The following SMIM22 variants were observed in gnomAD, a reference collection of about 807,000 sequenced individuals.
The protein encoded by SMIM22 is cancer associated small integral membrane open reading frame 1.
A neutral mutation model predicts 8.4 loss-of-function variants in SMIM22; 16 were observed. The ratio of observed to expected loss-of-function variants is 1.90; its 90% confidence interval spans 1.29 to 2.89. SMIM22 has a LOEUF of 2.89. Ranked by LOEUF, SMIM22 falls within the 30% of genes most tolerant of loss-of-function variation. The pLI is 0.00. For synonymous variants in SMIM22, 67 were observed against 47.6 expected, an observed-to-expected ratio of 1.41 and a Z score of -1.68; for missense variants, 159 against 107.5, an observed-to-expected ratio of 1.48 and a Z score of -2.12.
rs112214923 is a variant in SMIM22 at position 4,789,412 on chromosome 16, G to A, written c.-146+641G>A. Among the ~76,000 whole-genome samples, 291 of 151,022 alleles carry A rather than the reference G, an allele frequency of 1.9e-3. 1 individual carries two copies. The highest frequency in any genetic ancestry group is 2.8e-3 in the Non-Finnish European group (192 of 67,902). The stretch of plus-strand genomic sequence containing the variant: ...ATGATCTCGGCTCACTGTAAGCTCT[G>A]CCTCCCGGGTTCACGCCGCTCTCCT... On this transcript the variant is annotated intron_variant, in intron 2 of 5. Coordinates refer to the SMIM22 transcript ENST00000589327.
intron 2 of SMIM22, chr16:4,789,960 G>C (rs1350513434): frequency 6.8e-6 from 1 of 147,604 alleles, no homozygotes; most frequent in Non-Finnish European, 1.5e-5. Context: ...TGTCACCCAA[G>C]TTGGAGTGCA....
chr16:4,790,397 C>G (rs539945996), upstream of SMIM22, among the ~76,000 whole-genome samples: 1 of 152,216 alleles, frequency 6.6e-6, no homozygotes, highest in Non-Finnish European at 1.5e-5. Flanking sequence ...TTCCTGAGCC[C>G]CAGGCCGACT....
chr16:4,790,358 A>T (rs371371976), intron 2 of SMIM22, among the ~76,000 whole-genome samples: 2 of 152,232 alleles, frequency 1.3e-5, no homozygotes, highest in East Asian at 3.8e-4. Flanking sequence ...AACCGTATTC[A>T]CAGAAGAAAG....
upstream of SMIM22, among the ~76,000 whole-genome samples, chr16:4,793,097 G>A (rs146178021): frequency 1.5e-3 from 161 of 109,174 alleles, 1 homozygote; most frequent in African/African-American, 5.9e-3. Context: ...CAAAAAGAGC[G>A]AAACTCTGTC....
chr16:4,792,346 A>G (rs1163254380), upstream of SMIM22, among the ~76,000 whole-genome samples: 5 of 151,258 alleles, frequency 3.3e-5, no homozygotes, highest in Non-Finnish European at 7.4e-5. Flanking sequence ...GCCCGCCACC[A>G]CGCCCGGCTA....
upstream of SMIM22, among the ~76,000 whole-genome samples, chr16:4,793,196 G>C (rs1466877215): frequency 6.6e-6 from 1 of 151,946 alleles, no homozygotes; most frequent in African/African-American, 2.4e-5. Context: ...GGAGGGATGG[G>C]AGACCACAAG....
At position 4,796,241 on chromosome 16, in the gene SMIM22, T is replaced by C. The variant is rs1237813996; in HGVS notation, c.*10T>C. On this transcript the variant is annotated 3_prime_UTR_variant, in exon 4 of 4. Coordinates refer to ENST00000586005, the MANE Select transcript of SMIM22 (RefSeq NM_001253794.2). ...GGCCCTGGAACCCTGACCCTGTGTC[T>C]CCTGCCCGGTGGCAGTAACAAAGCC... The C allele has an allele frequency of 6.5e-7, 1 of 1,535,490 alleles. No homozygotes were observed. The highest frequency in any genetic ancestry group is 8.7e-7 in the Non-Finnish European group (1 of 1,146,726).
At chr16:4,789,045 G>A (rs972300901) in intron 2 of SMIM22, among the ~76,000 whole-genome samples, 2 of 152,182 alleles carry the variant, frequency 1.3e-5, no homozygotes, top group African/African-American at 4.8e-5. Flanking sequence ...TTTTGAGACA[G>A]CCTCGCTCTG....
chr16:4,789,402 T>C (rs2141887322), intron 2 of SMIM22, among the ~76,000 whole-genome samples: 1 of 152,002 alleles, frequency 6.6e-6, no homozygotes, highest in African/African-American at 2.4e-5. Flanking sequence ...CTCGGCTCAC[T>C]GTAAGCTCTG....
chr16:4,794,301 G>A (rs1369867526), upstream of SMIM22, among the ~76,000 whole-genome samples: 1 of 151,908 alleles, frequency 6.6e-6, no homozygotes, highest in South Asian at 2.1e-4. Context: ...TAGAGATGGG[G>A]TTTTACCGTG....
At chr16:4,796,093 G>T in intron 3 of SMIM22, 45 bp downstream of exon 3, 3 of 1,535,576 alleles carry the variant, frequency 2.0e-6, no homozygotes, top group Non-Finnish European at 2.6e-6. Context: ...CTGTACTGGG[G>T]GTGGAGGCGG....
upstream of SMIM22, among the ~76,000 whole-genome samples, chr16:4,794,564 G>A (rs909157976): frequency 6.6e-6 from 1 of 152,114 alleles, no homozygotes; most frequent in Non-Finnish European, 1.5e-5. Context: ...GGGATTACAG[G>A]AATGTGCCAC....
chr16:4,795,608 TGG>T lies in SMIM22; in HGVS notation c.-20-106_-20-105del. On this transcript the variant is annotated intron_variant, in intron 1 of 3. Coordinates refer to ENST00000586005, the MANE Select transcript of SMIM22 (RefSeq NM_001253794.2). ...GTGGAGTGGGAGGGGGTGGGGAAGC[TGG>T]CGCTGGGCCAGGAGCGGGCAGTGGC... The T allele has an allele frequency of 1.7e-5, 23 of 1,362,366 alleles. No homozygotes were observed. The Admixed American group carries it at 1.8e-4, about 11-fold the overall frequency. The allele number at this position is 1,362,366 out of a possible 1,614,324, so 84.4% of individuals were successfully genotyped here.
upstream of SMIM22, among the ~76,000 whole-genome samples, chr16:4,790,608 C>T (rs1398076899): frequency 3.9e-5 from 6 of 152,150 alleles, no homozygotes; most frequent in East Asian, 5.8e-4. Flanking sequence ...GCCAACATGG[C>T]GAAACCCCAT....
At chr16:4,792,281 C>G (rs376907478), upstream of SMIM22, among the ~76,000 whole-genome samples, 4 of 151,602 alleles carry the variant, frequency 2.6e-5, no homozygotes, top group South Asian at 2.1e-4. Flanking sequence ...AGCTCCGCCT[C>G]CCGGGTTCAT....
At chr16:4,792,376 G>C (rs2082564555), upstream of SMIM22, among the ~76,000 whole-genome samples, 1 of 151,146 alleles carries the variant, frequency 6.6e-6, no homozygotes, top group African/African-American at 2.4e-5. Context: ...ATTTTTAGTA[G>C]AGACGGGGTT....
In SMIM22 at chr16:4,795,932, C is replaced by G; in HGVS notation, c.125-16C>G. ...TCCAGGTTGGGGCCACACCTGGACG[C>G]CTGTCCTGTCCCCAGGCACCGTGCT... is the stretch of plus-strand genomic sequence containing the variant. On this transcript the variant is annotated splice_polypyrimidine_tract_variant and intron_variant, in intron 2 of 3. Coordinates refer to ENST00000586005, the MANE Select transcript of SMIM22 (RefSeq NM_001253794.2). 1 of 1,517,852 alleles carries G rather than the reference C, an allele frequency of 6.6e-7. No homozygotes were observed. The allele number at this position is 1,517,852 out of a possible 1,614,324, so 94.0% of individuals were successfully genotyped here. A position where few individuals can be genotyped will look rare whatever the true frequency, so the allele number is the denominator to read the frequency against.
upstream of SMIM22, among the ~76,000 whole-genome samples, chr16:4,791,332 G>T (rs566996015): frequency 6.6e-6 from 1 of 152,204 alleles, no homozygotes. Context: ...GACTATGGTG[G>T]AAGAGGACAA....
upstream of SMIM22, among the ~76,000 whole-genome samples, chr16:4,791,771 T>G (rs981539610): frequency 6.6e-6 from 1 of 152,104 alleles, no homozygotes; most frequent in Non-Finnish European, 1.5e-5. Context: ...CCCTGCAACC[T>G]CTGCCTCCCG....
Sources: gnomAD v4.1 joint callset for allele counts (sites outside exome capture counted in the v4.1 genomes callset) on GRCh38, gnomAD v4.1.1 for gene constraint, MANE v1.5 for transcripts, NCBI Gene and HGNC (gene_info 2026-07-23, HGNC 2026-07-21) for gene names.